The following SKIC3 variants were observed in gnomAD, a reference collection of about 807,000 sequenced individuals.
SKIC3 encodes the protein SKI3 subunit of superkiller complex.
chr5:95,544,887 A>G, the SKIC3 span, among the ~76,000 whole-genome samples: 1 of 152,342 alleles, frequency 6.6e-6, no homozygotes, highest in East Asian at 1.9e-4. Flanking sequence ...CCCTGAAGGG[A>G]TACTCATACC....
the SKIC3 span, among the ~76,000 whole-genome samples, chr5:95,500,545 C>A: frequency 6.6e-6 from 1 of 152,080 alleles, no homozygotes; most frequent in African/African-American, 2.4e-5. Flanking sequence ...TGAATTTTTG[C>A]CATTAGTTAT....
the SKIC3 span, among the ~76,000 whole-genome samples, chr5:95,543,862 C>A: frequency 6.6e-6 from 1 of 152,136 alleles, no homozygotes; most frequent in South Asian, 2.1e-4. Flanking sequence ...CAACACCTGC[C>A]AACTGGAATA....
At chr5:95,491,933 A>T in the SKIC3 span, among the ~76,000 whole-genome samples, 5 of 152,028 alleles carry the variant, frequency 3.3e-5, no homozygotes, top group South Asian at 6.2e-4. Flanking sequence ...TTAGTTTTCT[A>T]TTTTTTCTTA....
the SKIC3 span, among the ~76,000 whole-genome samples, chr5:95,543,009 T>C: frequency 6.6e-6 from 1 of 152,190 alleles, no homozygotes; most frequent in Non-Finnish European, 1.5e-5. Flanking sequence ...CAACATCCTT[T>C]GCACCACTTT....
At chr5:95,543,289 C>T in the SKIC3 span, 1 of 1,613,908 alleles carries the variant, frequency 6.2e-7, no homozygotes, top group Non-Finnish European at 8.5e-7. Context: ...CAATAAAAAC[C>T]CAGGCATTAT....
chr5:95,473,327 GGA>G, the SKIC3 span, among the ~76,000 whole-genome samples: 2 of 149,208 alleles, frequency 1.3e-5, no homozygotes, highest in African/African-American at 2.5e-5. Context: ...CTGTGGCCCG[GGA>G]GAGAGTGAGA....
At chr5:95,515,082 G>C in the SKIC3 span, 110 of 673,198 alleles carry the variant, frequency 1.6e-4, no homozygotes, top group Admixed American at 2.6e-4. Flanking sequence ...TTAAAGCAGT[G>C]TTTTAACTAC....
At chr5:95,533,685 A>C in the SKIC3 span, among the ~76,000 whole-genome samples, 2 of 152,126 alleles carry the variant, frequency 1.3e-5, no homozygotes, top group Non-Finnish European at 2.9e-5. Flanking sequence ...ACATAATACA[A>C]ATCCAGAACC....
the SKIC3 span, among the ~76,000 whole-genome samples, chr5:95,499,547 G>C: frequency 6.6e-6 from 1 of 152,092 alleles, no homozygotes. Context: ...AATACACTAA[G>C]TTTTAGAAAC....
At chr5:95,467,767 A>G in the SKIC3 span, 2 of 1,508,498 alleles carry the variant, frequency 1.3e-6, no homozygotes, top group Non-Finnish European at 1.8e-6. Flanking sequence ...ATAAAAGTGA[A>G]GTAACTTTGA....
the SKIC3 span, among the ~76,000 whole-genome samples, chr5:95,544,652 T>A: frequency 6.6e-6 from 1 of 152,328 alleles, no homozygotes; most frequent in African/African-American, 2.4e-5. Flanking sequence ...TTAATGCTTA[T>A]GTTCCCAACA....
At chr5:95,516,712 G>A in the SKIC3 span, 1 of 1,613,270 alleles carries the variant, frequency 6.2e-7, no homozygotes, top group Non-Finnish European at 8.5e-7. Context: ...TCCAGTATAA[G>A]TGATTATTAC....
chr5:95,502,540 C>A, the SKIC3 span, among the ~76,000 whole-genome samples: 1 of 152,122 alleles, frequency 6.6e-6, no homozygotes, highest in Non-Finnish European at 1.5e-5. Context: ...AAGAAAATAT[C>A]TCTTTGGGAA....
the SKIC3 span, chr5:95,547,163 G>A: frequency 6.2e-7 from 1 of 1,611,308 alleles, no homozygotes; most frequent in East Asian, 2.2e-5. Context: ...TGTCAAGGCA[G>A]AAAGCCTGAG....
At chr5:95,472,746 C>T in the SKIC3 span, among the ~76,000 whole-genome samples, 1 of 151,954 alleles carries the variant, frequency 6.6e-6, no homozygotes, top group Non-Finnish European at 1.5e-5. Flanking sequence ...GGTAGTTTAT[C>T]AATCCCTGTC....
At chr5:95,496,033 T>TA in the SKIC3 span, among the ~76,000 whole-genome samples, 1 of 151,310 alleles carries the variant, frequency 6.6e-6, no homozygotes, top group Non-Finnish European at 1.5e-5. Flanking sequence ...TTTTTTTTTT[T>TA]AATAGATGGA....
the SKIC3 span, among the ~76,000 whole-genome samples, chr5:95,522,964 A>C: frequency 6.6e-6 from 1 of 152,166 alleles, no homozygotes; most frequent in African/African-American, 2.4e-5. Context: ...ATTGAGAACT[A>C]CTATACATAT....
the SKIC3 span, among the ~76,000 whole-genome samples, chr5:95,511,079 TAA>T: frequency 1.3e-5 from 2 of 152,218 alleles, no homozygotes; most frequent in East Asian, 1.9e-4. Flanking sequence ...GAAAAATCCT[TAA>T]AGTCACAAAA....
chr5:95,503,889 G>A, the SKIC3 span: 2 of 1,613,854 alleles, frequency 1.2e-6, no homozygotes, highest in Non-Finnish European at 8.5e-7. Context: ...AACACTTCAA[G>A]GGGTGTTGAC....
Sources: gnomAD v4.1 joint callset for allele counts (sites outside exome capture counted in the v4.1 genomes callset) on GRCh38, gnomAD v4.1.1 for gene constraint, MANE v1.5 for transcripts, NCBI Gene and HGNC (gene_info 2026-07-23, HGNC 2026-07-21) for gene names.